NRXN1: variants seen among roughly 807,000 people sequenced by gnomAD.
NRXN1 encodes neurexin-1.
In NRXN1, 39 loss-of-function variants were observed where a neutral mutation model predicts 150.9. The ratio of observed to expected loss-of-function variants is 0.26; its 90% CI spans 0.20 to 0.34. NRXN1 has a LOEUF of 0.34. NRXN1 is among the 10% of genes least tolerant of loss of function. The probability of loss-of-function intolerance (pLI) is 1.00; values close to 1 mark genes in which losing one functional copy is unlikely to be tolerated. For synonymous variants in NRXN1, 924 were observed against 757.0 expected, an observed-to-expected ratio of 1.22 and a Z score of -3.62; for missense variants, 1,815 against 1,949.9, an observed-to-expected ratio of 0.93 and a Z score of 1.30.
chr2:50,501,987 G>A (rs149254894), intron 13 of NRXN1, among the ~76,000 whole-genome samples: 1 of 152,160 alleles, frequency 6.6e-6, no homozygotes. Context: ...AGTGATTTCT[G>A]ACTTGCTGTA....
chr2:50,553,596 T>C (rs1455121571), intron 8 of NRXN1, among the ~76,000 whole-genome samples: 4 of 152,196 alleles, frequency 2.6e-5, no homozygotes, highest in African/African-American at 9.6e-5. Flanking sequence ...AAAAAAAATA[T>C]ATAACTAAGA....
chr2:50,129,729 T>C (rs1417869398), intron 18 of NRXN1, among the ~76,000 whole-genome samples: 2 of 152,170 alleles, frequency 1.3e-5, no homozygotes, highest in Non-Finnish European at 2.9e-5. Flanking sequence ...AAGGAGGGCC[T>C]ATTTAGAGCC....
At chr2:51,006,256 G>A (rs901564664) in intron 2 of NRXN1, among the ~76,000 whole-genome samples, 10 of 151,774 alleles carry the variant, frequency 6.6e-5, no homozygotes, top group African/African-American at 2.4e-4. Flanking sequence ...GGACATGGAT[G>A]AAGCTGGAAA....
At chr2:50,970,202 G>C (rs1468473551) in intron 2 of NRXN1, among the ~76,000 whole-genome samples, 1 of 152,118 alleles carries the variant, frequency 6.6e-6, no homozygotes, top group African/African-American at 2.4e-5. Context: ...TGGAGAAAAA[G>C]GGTTCTAGTT....
At chr2:51,003,760 G>A (rs1275007170) in intron 2 of NRXN1, among the ~76,000 whole-genome samples, 1 of 151,930 alleles carries the variant, frequency 6.6e-6, no homozygotes, top group Non-Finnish European at 1.5e-5. Flanking sequence ...AGGAGAGGGG[G>A]AGGAAGGAAA....
At chr2:50,101,635 A>G (rs1029780109) in intron 18 of NRXN1, among the ~76,000 whole-genome samples, 2 of 152,066 alleles carry the variant, frequency 1.3e-5, no homozygotes, top group African/African-American at 4.8e-5. Flanking sequence ...CGTATTTTAG[A>G]AAATCCTTAA....
chr2:49,972,621 G>A (rs1678154059), intron 21 of NRXN1: 1 of 152,038 alleles, frequency 6.6e-6, no homozygotes. Flanking sequence ...TGCTTTTCCT[G>A]AGCTTGGCAA....
chr2:51,015,230 C>A (rs1668483668), intron 2 of NRXN1, among the ~76,000 whole-genome samples: 1 of 152,002 alleles, frequency 6.6e-6, no homozygotes, highest in East Asian at 1.9e-4. Context: ...TCTCTCCCAT[C>A]ATCTTTTCTC....
At position 49,959,442 on chromosome 2, in the gene NRXN1, CTCTTCACGGTAGCA is replaced by C. The variant is rs566811897; in HGVS notation, c.4129-15665_4129-15652del. On this transcript the variant is annotated intron_variant, in intron 21 of 22. Coordinates refer to ENST00000401669, the MANE Select transcript of NRXN1 (RefSeq NM_001330078.2). The stretch of plus-strand genomic sequence containing the variant: ...TGTACCCTGAAGAGACAGAGAAATG[CTCTTCACGGTAGCA>C]TCTTTTTGGTTTCCTAGGACCAGTT... Among the ~76,000 whole-genome samples, 117 of 152,286 alleles carry C rather than the reference CTCTTCACGGTAGCA, an allele frequency of 7.7e-4. No individual in the cohort carries two copies. In the Middle Eastern group the frequency reaches 0.017, roughly 22 times the overall value.
At chr2:50,550,827 A>G (rs6545180) in intron 9 of NRXN1, among the ~76,000 whole-genome samples, 65,092 of 151,062 alleles carry the variant, frequency 0.43, 15,837 homozygotes, top group African/African-American at 0.66. Context: ...GACTACAGGC[A>G]CCGCCACCAC....
At chr2:50,209,439 G>A (rs550817897) in intron 18 of NRXN1, among the ~76,000 whole-genome samples, 2 of 152,132 alleles carry the variant, frequency 1.3e-5, no homozygotes, top group Non-Finnish European at 2.9e-5. Flanking sequence ...CATGACGTGG[G>A]TAGTATTGGA....
At chr2:50,545,182 C>T (rs1051330648) in intron 9 of NRXN1, among the ~76,000 whole-genome samples, 5 of 152,030 alleles carry the variant, frequency 3.3e-5, no homozygotes, top group African/African-American at 9.7e-5. Flanking sequence ...ATTGCCTGAA[C>T]GTGTTCACCA....
intron 5 of NRXN1, among the ~76,000 whole-genome samples, chr2:50,851,059 G>A (rs878987930): frequency 6.6e-6 from 1 of 152,000 alleles, no homozygotes; most frequent in Admixed American, 6.6e-5. Flanking sequence ...AAGAATAAAG[G>A]AACCACCATA....
chr2:50,682,994 T>C (rs1338451246), intron 5 of NRXN1, among the ~76,000 whole-genome samples: 2 of 152,062 alleles, frequency 1.3e-5, no homozygotes, highest in Admixed American at 6.6e-5. Context: ...ACTACACATA[T>C]ACTTGTTCAT....
At chr2:50,504,140 TAAAAAAAAA>T (rs70948715) in intron 13 of NRXN1, among the ~76,000 whole-genome samples, 2 of 112,436 alleles carry the variant, frequency 1.8e-5, no homozygotes, top group Non-Finnish European at 3.4e-5. Context: ...ACATGACAAC[TAAAAAAAAA>T]AAAAAAAAAA....
At chr2:50,434,303 C>G (rs2085246643) in intron 17 of NRXN1, among the ~76,000 whole-genome samples, 1 of 151,734 alleles carries the variant, frequency 6.6e-6, no homozygotes, top group South Asian at 2.1e-4. Flanking sequence ...AGGATGGTCT[C>G]GATCTCCTGA....
chr2:50,965,463 T>TA (rs955914805), intron 2 of NRXN1, among the ~76,000 whole-genome samples: 4 of 151,434 alleles, frequency 2.6e-5, no homozygotes, highest in East Asian at 3.9e-4. Flanking sequence ...GTTTGATTTT[T>TA]AAAAAAAATA....
intron 10 of NRXN1, among the ~76,000 whole-genome samples, chr2:50,533,507 C>T (rs1483860425): frequency 6.6e-6 from 1 of 152,148 alleles, no homozygotes; most frequent in African/African-American, 2.4e-5. Context: ...AATCCATTTG[C>T]AAGTCTGCAA....
chr2:50,434,255 C>CT (rs1184060658), intron 17 of NRXN1, among the ~76,000 whole-genome samples: 3 of 150,568 alleles, frequency 2.0e-5, no homozygotes, highest in Non-Finnish European at 4.4e-5. Flanking sequence ...GTTGTTGTTG[C>CT]TTTTTTTTGG....
Sources: allele counts gnomAD v4.1 joint callset (sites outside exome capture counted in the v4.1 genomes callset), GRCh38; gene constraint gnomAD v4.1.1; transcripts MANE v1.5; gene names NCBI Gene and HGNC (gene_info 2026-07-23, HGNC 2026-07-21).